Variants in CACNA1E observed in about 807,000 individuals in gnomAD.
CACNA1E encodes voltage-dependent R-type calcium channel subunit alpha-1E.
A neutral mutation model predicts 259.2 loss-of-function variants in CACNA1E; 40 were observed. That is an observed-to-expected ratio of 0.15 (90% CI 0.12 to 0.20). The LOEUF (loss-of-function observed/expected upper bound fraction) is 0.20. Ranked by LOEUF, CACNA1E falls within the 10% of genes least tolerant of loss-of-function variation. The pLI is 1.00. For synonymous variants in CACNA1E, 1,104 were observed against 1,138.5 expected (o/e 0.97, Z 0.61); for missense variants, 1,874 against 3,040.1 (o/e 0.62, Z 9.02).
At chr1:181,566,656 G>A (rs2102914433) in intron 3 of CACNA1E, among the ~76,000 whole-genome samples, 1 of 152,304 alleles carries the variant, frequency 6.6e-6, no homozygotes, top group Non-Finnish European at 1.5e-5. Flanking sequence ...TTCAGGCCAA[G>A]CTTCATGCTC....
intron 1 of CACNA1E, among the ~76,000 whole-genome samples, chr1:181,509,760 T>C (rs1666008918): frequency 6.6e-6 from 1 of 152,206 alleles, no homozygotes; most frequent in African/African-American, 2.4e-5. Context: ...AGTGTGGTTC[T>C]TACAGGACTG....
At chr1:181,337,546 G>T (rs1053419095) in intron 1 of CACNA1E, among the ~76,000 whole-genome samples, 2 of 151,806 alleles carry the variant, frequency 1.3e-5, no homozygotes, top group African/African-American at 4.8e-5. Flanking sequence ...GCCCCTAACC[G>T]CCATTTTACT....
rs1662712325 is a variant in CACNA1E, at chr1:181,807,485, C to G, written c.*8651C>G. ...TTTAACTGCAATTGCTCCCTTGCCACAGGGAAAGCAGCAAGCCCCAGGCCC... is the reference window on the plus strand; with the variant it reads ...TTTAACTGCAATTGCTCCCTTGCCAGAGGGAAAGCAGCAAGCCCCAGGCCC... On this transcript the variant is annotated 3_prime_UTR_variant, in exon 48 of 48. Coordinates refer to ENST00000367573, the MANE Select transcript of CACNA1E (RefSeq NM_001205293.3). 6.6e-6 allele frequency: 1 copy of G among 152,114 alleles called. No homozygotes were observed. The highest frequency in any genetic ancestry group is 1.5e-5 in the Non-Finnish European group (1 of 68,122). 9.4% of individuals were successfully genotyped at this position (152,114 alleles called of 1,614,324 possible).
Position 181,380,109 on chromosome 1 carries a change from G to A in CACNA1E, c.-14-33024G>A, listed in dbSNP as rs1264213397. 4.0e-5 allele frequency among the ~76,000 whole-genome samples: 6 copies of A among 150,136 alleles called. 1 individual carries two copies. In the East Asian group the frequency reaches 1.2e-3, roughly 29 times the overall value. On this transcript the variant is annotated intron_variant, in intron 1 of 11. Transcript: ENST00000524607. The stretch of plus-strand genomic sequence containing the variant: ...GAGTTGTAGGTAATAAGCCAATAAT[G>A]GAAATAAAATAGAACAATACAAAAT...
intron 1 of CACNA1E, among the ~76,000 whole-genome samples, chr1:181,379,466 G>A (rs909874579): frequency 4.6e-5 from 7 of 152,126 alleles, no homozygotes; most frequent in Non-Finnish European, 5.9e-5. Context: ...TGTTTTAGTC[G>A]GTTTGAACTG....
intron 1 of CACNA1E, among the ~76,000 whole-genome samples, chr1:181,500,276 A>T (rs191774679): frequency 6.6e-6 from 1 of 152,310 alleles, no homozygotes; most frequent in African/African-American, 2.4e-5. Flanking sequence ...CCGCCTTAAC[A>T]TCCTTGACAC....
chr1:181,776,752 CTAAAT>C lies in CACNA1E; in HGVS notation c.5267+530_5267+534del. Among the ~76,000 whole-genome samples, 1 of 152,170 alleles carries C rather than the reference CTAAAT, an allele frequency of 6.6e-6. No individual in the cohort carries two copies. Among genetic ancestry groups the C allele is most frequent in the East Asian group, 1.9e-4 (1 of 5,204 alleles). ...ATTTGTGGATTTTTATTACATGGAA[CTAAAT>C]TAAATGGTAGGAATTGGTGAAGATA... On this transcript the variant is annotated intron_variant, in intron 38 of 47. Coordinates refer to ENST00000367573, the MANE Select transcript of CACNA1E (RefSeq NM_001205293.3). This position sits in a 1 kb window ranked among gnomAD's most constrained non-coding sequence, Gnocchi z 4.4.
chr1:181,439,190 G>A (rs1660282600), intron 2 of CACNA1E, among the ~76,000 whole-genome samples: 1 of 152,162 alleles, frequency 6.6e-6, no homozygotes, highest in African/African-American at 2.4e-5. Flanking sequence ...CTAGGCAGGG[G>A]GTTGAAGGGG....
Position 181,801,278 on chromosome 1 carries a change from G to A in CACNA1E, c.*2444G>A, listed in dbSNP as rs1662255000. 1 of 152,612 alleles carries A rather than the reference G, an allele frequency of 6.6e-6. No individual in the cohort carries two copies. The highest frequency in any genetic ancestry group is 1.5e-5 in the Non-Finnish European group (1 of 68,046). The allele number at this position is 152,612 out of a possible 1,614,324, so 9.5% of individuals were successfully genotyped here. On this transcript the variant is annotated 3_prime_UTR_variant, in exon 48 of 48. Coordinates refer to ENST00000367573, the MANE Select transcript of CACNA1E (RefSeq NM_001205293.3). ...TGCCATTTCAAGAGGAGAAATGCAG[G>A]CTGGCAGAGCAATTTCCAGAAATGG...
At chr1:181,435,044 A>G (rs1659988754) in intron 2 of CACNA1E, among the ~76,000 whole-genome samples, 1 of 152,246 alleles carries the variant, frequency 6.6e-6, no homozygotes, top group Non-Finnish European at 1.5e-5. Flanking sequence ...GAAAAATATC[A>G]TCAGTCAAAA....
intron 3 of CACNA1E, among the ~76,000 whole-genome samples, chr1:181,558,745 G>A (rs1277569514): frequency 1.3e-5 from 2 of 152,188 alleles, no homozygotes; most frequent in African/African-American, 2.4e-5. Context: ...GAAGCTATAA[G>A]CCAGACTTGG....
At chr1:181,725,079 G>T (rs552552202) in intron 17 of CACNA1E, among the ~76,000 whole-genome samples, 1 of 152,324 alleles carries the variant, frequency 6.6e-6, no homozygotes, top group South Asian at 2.1e-4. Flanking sequence ...TTTCCCCAGT[G>T]TGGGGAGGTA....
intron 2 of CACNA1E, among the ~76,000 whole-genome samples, chr1:181,441,688 G>C (rs1660487247): frequency 6.6e-6 from 1 of 152,182 alleles, no homozygotes; most frequent in South Asian, 2.1e-4. Context: ...GGGCCTCAAA[G>C]GAATTTATCA....
chr1:181,801,403 A>T lies in CACNA1E; in HGVS notation c.*2569A>T, dbSNP rs1361292109. 3 of 152,214 alleles carry T rather than the reference A, an allele frequency of 2.0e-5. No homozygotes were observed. The highest frequency in any genetic ancestry group is 6.5e-5 in the Admixed American group (1 of 15,286). The allele number at this position is 152,214 out of a possible 1,614,324, so 9.4% of individuals were successfully genotyped here. A position where few individuals can be genotyped will look rare whatever the true frequency, so the allele number is the denominator to read the frequency against. On this transcript the variant is annotated 3_prime_UTR_variant, in exon 48 of 48. Coordinates refer to ENST00000367573, the MANE Select transcript of CACNA1E (RefSeq NM_001205293.3). The stretch of plus-strand genomic sequence containing the variant: ...ACACACAGGTATTTGAGTCCTGAAT[A>T]AAGTGTTGGAAAGCACTGCAGATGC...
rs148338483 is a variant in CACNA1E, at chr1:181,682,628, G to C, written c.1056-28326G>C. 2.6e-3 allele frequency among the ~76,000 whole-genome samples: 392 copies of C among 152,344 alleles called. 4 individuals are homozygous for C. Among genetic ancestry groups the C allele is most frequent in the African/African-American group, 9.0e-3 (376 of 41,582 alleles). ...GGTTTAATTGGCATATGGTTCCGCA[G>C]ACTGTGCAGTAAGCATGATTCTGGT... On this transcript the variant is annotated intron_variant, in intron 7 of 47. Transcript: ENST00000367573.
intron 7 of CACNA1E, among the ~76,000 whole-genome samples, chr1:181,659,489 T>C (rs1026196817): frequency 6.6e-6 from 1 of 152,314 alleles, no homozygotes; most frequent in East Asian, 1.9e-4. Flanking sequence ...TGAAATGCCA[T>C]CAGGGGCTAC....
At position 181,758,102 on chromosome 1, in the gene CACNA1E, G is replaced by A. The variant is rs373656763; in HGVS notation, c.4485G>A (p.Leu1495=). Residue 1495 remains leucine (L), a synonymous_variant, in exon 31 of 48, where the codon CTG becomes CTA. Transcript: ENST00000367573. This position sits in a 1 kb window ranked among gnomAD's most constrained non-coding sequence, Gnocchi z 4.2. The stretch of plus-strand genomic sequence containing the variant: ...TGATCGCCTTGAATACTGTTGTGCT[G>A]ATGATGAAGGTGAGAGGAGAGAGGC... The part of the protein sequence containing the change: ...MAMIALNTVV[L]MMKYYSAPCT... 6.2e-7 allele frequency: 1 copy of A among 1,613,534 alleles called. No homozygotes were observed. Among genetic ancestry groups the A allele is most frequent in the Non-Finnish European group, 8.5e-7 (1 of 1,179,752 alleles).
chr1:181,635,727 G>A (rs535714191), intron 6 of CACNA1E, among the ~76,000 whole-genome samples: 3 of 152,290 alleles, frequency 2.0e-5, no homozygotes, highest in African/African-American at 4.8e-5. Context: ...GAACAACTGC[G>A]CTAGACTATG....
At position 181,722,412 on chromosome 1, in the gene CACNA1E, G is replaced by A. The variant is rs564373911; in HGVS notation, c.2074+537G>A. ...TACAAGACAGAGAAAAAAATATCTC[G>A]AGTAAAATAACTACTAAATTGTAAA... On this transcript the variant is annotated intron_variant, in intron 16 of 47. Coordinates refer to ENST00000367573, the MANE Select transcript of CACNA1E (RefSeq NM_001205293.3). 3.3e-5 allele frequency among the ~76,000 whole-genome samples: 5 copies of A among 152,194 alleles called. No homozygotes were observed. The South Asian group carries it at 6.2e-4, about 19-fold the overall frequency.
Sources: allele counts gnomAD v4.1 joint callset (sites outside exome capture counted in the v4.1 genomes callset), GRCh38; gene constraint gnomAD v4.1.1; non-coding constraint Gnocchi (gnomAD v3.1); transcripts MANE v1.5; gene names NCBI Gene and HGNC (gene_info 2026-07-23, HGNC 2026-07-21).